Variants in TTLL6 observed in about 807,000 individuals in gnomAD.
TTLL6 encodes tubulin polyglutamylase TTLL6.
Under a neutral mutation model 96.4 loss-of-function variants are expected in TTLL6, and 75 were observed. The ratio of observed to expected loss-of-function variants is 0.78; its 90% CI spans 0.65 to 0.94. TTLL6 has a LOEUF of 0.94. Among genes scored for constraint, TTLL6 ranks in the 40% least tolerant of loss-of-function variants. The pLI, the probability that TTLL6 is intolerant of heterozygous loss-of-function variation, is 0.00. For synonymous variants in TTLL6, 411 were observed against 419.4 expected (o/e 0.98, Z 0.24); for missense variants, 1,030 against 1,093.0 (o/e 0.94, Z 0.81).
chr17:48,787,303 G>A (rs1322960980), intron 11 of TTLL6, among the ~76,000 whole-genome samples: 4 of 152,148 alleles, frequency 2.6e-5, no homozygotes, highest in Non-Finnish European at 1.5e-5. Context: ...TGAGTTTCTA[G>A]AAAGAGCTAC....
At chr17:48,795,285 C>A (rs574962284) in intron 8 of TTLL6, among the ~76,000 whole-genome samples, 1 of 150,218 alleles carries the variant, frequency 6.7e-6, no homozygotes, top group South Asian at 2.1e-4. Context: ...AAGATCGCAC[C>A]ACTGCACTCC....
intron 1 of TTLL6, among the ~76,000 whole-genome samples, chr17:48,809,634 G>A (rs980853438): frequency 6.6e-6 from 1 of 152,096 alleles, no homozygotes; most frequent in Non-Finnish European, 1.5e-5. Context: ...CAAGGTGAGA[G>A]GATTGCTTGA....
chr17:48,772,619 T>C (rs1860222370), intron 13 of TTLL6, among the ~76,000 whole-genome samples: 1 of 151,378 alleles, frequency 6.6e-6, no homozygotes, highest in Non-Finnish European at 1.5e-5. Context: ...TAGTCCCAGC[T>C]ACTCGGGAGG....
At chr17:48,775,145 A>T (rs1002542260) in intron 13 of TTLL6, among the ~76,000 whole-genome samples, 4 of 152,050 alleles carry the variant, frequency 2.6e-5, no homozygotes, top group Non-Finnish European at 4.4e-5. Flanking sequence ...GAAAGAAAGA[A>T]CAACAAATCT....
chr17:48,808,007 T>C (rs2039529561), intron 1 of TTLL6, among the ~76,000 whole-genome samples: 1 of 152,094 alleles, frequency 6.6e-6, no homozygotes, highest in African/African-American at 2.4e-5. Flanking sequence ...CCCGGCTAAT[T>C]TTTTGTACTT....
chr17:48,799,803 A>G, intron 5 of TTLL6, 43 bp from the exon 6 acceptor site: 1 of 1,518,452 alleles, frequency 6.6e-7, no homozygotes, highest in Non-Finnish European at 8.9e-7. Context: ...TTAGCTGGGG[A>G]GCAATGAAAA....
chr17:48,816,938 G>T, intron 1 of TTLL6, 32 bp downstream of exon 1: 1 of 1,478,970 alleles, frequency 6.8e-7, no homozygotes, highest in Non-Finnish European at 9.0e-7. Flanking sequence ...GCTGCGGTCT[G>T]GAGCCAGCAC....
intron 13 of TTLL6, among the ~76,000 whole-genome samples, chr17:48,776,429 C>A (rs928627709): frequency 6.6e-6 from 1 of 152,106 alleles, no homozygotes; most frequent in African/African-American, 2.4e-5. Flanking sequence ...CCACTGCACT[C>A]CAGCCTGGTG....
chr17:48,787,753 T>A (rs916381006), intron 11 of TTLL6, 58 bp downstream of exon 11: 1 of 1,525,368 alleles, frequency 6.6e-7, no homozygotes, highest in South Asian at 1.2e-5. Flanking sequence ...AGTCAGCCAA[T>A]AGATCACACA....
chr17:48,769,211 G>A lies in TTLL6; in HGVS notation c.2454C>T (p.Ser818=), dbSNP rs1169354499. 1 of 1,612,862 alleles carries A rather than the reference G, an allele frequency of 6.2e-7. No homozygotes were observed. Among genetic ancestry groups the A allele is most frequent in the East Asian group, 2.2e-5 (1 of 44,852 alleles). ...LPGECHSRSD[S]SGEKRQLDVS... The stretch of plus-strand genomic sequence containing the variant: ...CATCCAGCTGCCTCTTCTCGCCAGA[G>A]CTGTCACTGCGGGAGTGGCACTCCC... Residue 818 remains serine (S), a synonymous_variant, in exon 15 of 16, where the codon AGC becomes AGT. Transcript: ENST00000393382.
In TTLL6 at chr17:48,801,241, C is replaced by A; in HGVS notation, c.611+14G>T. 1 of 1,549,896 alleles carries A rather than the reference C, an allele frequency of 6.5e-7. No individual in the cohort carries two copies. The highest frequency in any genetic ancestry group is 1.2e-5 in the South Asian group (1 of 83,992). ...GGGGAGTGGAGAAGGAAGTACAGGG[C>A]GGGGGGCACTCACTCAGCAGGAAGA... On this transcript the variant is annotated intron_variant, in intron 5 of 15. Transcript: ENST00000393382.
chr17:48,805,691 C>T (rs748887402), intron 1 of TTLL6, among the ~76,000 whole-genome samples: 3 of 152,196 alleles, frequency 2.0e-5, no homozygotes, highest in African/African-American at 4.8e-5. Context: ...TGCCAAATAT[C>T]GCCAGGCGCA....
At chr17:48,793,270 G>A (rs947686698) in intron 8 of TTLL6, among the ~76,000 whole-genome samples, 1 of 152,126 alleles carries the variant, frequency 6.6e-6, no homozygotes, top group Non-Finnish European at 1.5e-5. Flanking sequence ...GGGAGGGAGA[G>A]GAGGAAAGAT....
Position 48,817,034 on chromosome 17 carries a change from C to T in TTLL6, c.39G>A (p.Pro13=). ...ALLLHPSRRG[P]AGVVASWTSS... is the part of the protein sequence containing the mutation. ...TAGTCCAGCTTGCAACCACACCTGC[C>T]GGCCCCCTCCTCGAAGGATGAAGGA... The change falls in exon 1 of 16, where the codon CCG becomes CCA. Residue 13 remains proline, a synonymous_variant. Transcript: ENST00000393382. 1 of 1,544,508 alleles carries T rather than the reference C, an allele frequency of 6.5e-7. No individual in the cohort carries two copies. Among genetic ancestry groups the T allele is most frequent in the East Asian group, 2.5e-5 (1 of 40,362 alleles).
In TTLL6 at chr17:48,801,513, T is replaced by C. The variant is rs2039412856; in HGVS notation, c.480+12A>G. 2 of 1,551,706 alleles carry C rather than the reference T, an allele frequency of 1.3e-6. No individual in the cohort carries two copies. Among genetic ancestry groups the C allele is most frequent in the African/African-American group, 1.4e-5 (1 of 73,114 alleles). On this transcript the variant is annotated intron_variant, in intron 4 of 15. Coordinates refer to ENST00000393382, the MANE Select transcript of TTLL6 (RefSeq NM_001130918.3). The stretch of plus-strand genomic sequence containing the variant: ...GCACACTTAAACCAAGGACCATCAC[T>C]AGCCCAAATACCTGGTAACTTTTCA...
In TTLL6 at chr17:48,787,925, C is replaced by T; in HGVS notation, c.1475G>A (p.Gly492Glu). 6.2e-7 allele frequency: 1 copy of T among 1,614,186 alleles called. No homozygotes were observed. The highest frequency in any genetic ancestry group is 8.5e-7 in the Non-Finnish European group (1 of 1,180,036). Residue 492 changes from glycine to glutamate, a missense_variant, in exon 11 of 16, where the codon GGG becomes GAG. Transcript: ENST00000393382. Reference protein sequence around the residue: ...TETYEKENCGGFRLIYPSLNS... With the variant: ...TETYEKENCGEFRLIYPSLNS... ...CAGACTGGGATAAATCAGTCGGAAC[C>T]CTCCACAGTTTTCCTTCTCATACGT...
At chr17:48,786,103 A>C (rs2039085722) in intron 12 of TTLL6, 61 bp downstream of exon 12, 2 of 1,604,886 alleles carry the variant, frequency 1.2e-6, no homozygotes, top group Admixed American at 3.3e-5. Flanking sequence ...GCACCCCTCC[A>C]CGGATCAGGC....
rs1597956581 is a variant in TTLL6, at chr17:48,769,111, C to T, written c.2554G>A (p.Ala852Thr). Residue 852 changes from alanine to threonine, a missense_variant, in exon 15 of 16, where the codon GCC becomes ACC. Transcript: ENST00000393382. ...LRDLLVIATP[A>T]QLDPRPCRSH... ...CTACAAGGCCTTGGATCCAGTTGGG[C>T]TGGAGTGGCAATCACCAGCAGGTCC... 1 of 1,614,214 alleles carries T rather than the reference C, an allele frequency of 6.2e-7. No individual in the cohort carries two copies. Among genetic ancestry groups the T allele is most frequent in the African/African-American group, 1.3e-5 (1 of 75,050 alleles).
intron 2 of TTLL6, chr17:48,804,269 T>C (rs1363804542): frequency 2.0e-6 from 1 of 512,418 alleles, no homozygotes; most frequent in Non-Finnish European, 3.8e-6. Flanking sequence ...TTGGCCAAAA[T>C]ACTTGTCTCC....
Sources: allele counts gnomAD v4.1 joint callset (sites outside exome capture counted in the v4.1 genomes callset), GRCh38; gene constraint gnomAD v4.1.1; transcripts MANE v1.5; gene names NCBI Gene and HGNC (gene_info 2026-07-23, HGNC 2026-07-21).